Variants in DLG2 observed in about 807,000 individuals in gnomAD.
DLG2 encodes the protein discs large MAGUK scaffold protein 2, also known as disks large homolog 2.
A neutral mutation model predicts 132.5 loss-of-function variants in DLG2; 45 were observed. The ratio of observed to expected loss-of-function variants is 0.34; its 90% CI spans 0.27 to 0.44. The LOEUF (loss-of-function observed/expected upper bound fraction) is 0.44, where lower values mean the gene tolerates loss of function less well. Ranked by LOEUF, DLG2 falls within the 20% of genes least tolerant of loss-of-function variation. The pLI is 1.00. For synonymous variants in DLG2, 424 were observed against 419.6 expected (o/e 1.01, Z -0.13); for missense variants, 1,045 against 1,196.9 (o/e 0.87, Z 1.87).
intron 2 of DLG2, among the ~76,000 whole-genome samples, chr11:85,608,841 C>G (rs1230455782): frequency 6.6e-6 from 1 of 152,176 alleles, no homozygotes; most frequent in Non-Finnish European, 1.5e-5. Context: ...CCTTCAATCT[C>G]TTTTGGAGAG....
chr11:84,717,950 T>C (rs1248384812), intron 6 of DLG2, among the ~76,000 whole-genome samples: 1 of 152,098 alleles, frequency 6.6e-6, no homozygotes, highest in Non-Finnish European at 1.5e-5. Flanking sequence ...ATAGTAAGTA[T>C]AAAATTTAGC....
At chr11:85,044,979 G>A (rs947686134) in intron 6 of DLG2, among the ~76,000 whole-genome samples, 2 of 152,026 alleles carry the variant, frequency 1.3e-5, no homozygotes, top group Non-Finnish European at 1.5e-5. Flanking sequence ...TTCTCTGCCC[G>A]TTAATTCATT....
At chr11:85,304,782 T>C (rs1445585144) in intron 3 of DLG2, among the ~76,000 whole-genome samples, 1 of 152,210 alleles carries the variant, frequency 6.6e-6, no homozygotes, top group African/African-American at 2.4e-5. Context: ...TCTGACAACA[T>C]GGAAGTCATT....
chr11:84,099,239 T>C (rs1337269381), intron 9 of DLG2, among the ~76,000 whole-genome samples, 192 bp from the exon 10 acceptor site: 1 of 151,856 alleles, frequency 6.6e-6, no homozygotes, highest in African/African-American at 2.4e-5. Context: ...TCCTGCACTG[T>C]AAGAATGCAA....
At chr11:83,518,783 G>A (rs572488620) in intron 21 of DLG2, among the ~76,000 whole-genome samples, 3 of 152,220 alleles carry the variant, frequency 2.0e-5, no homozygotes, top group Non-Finnish European at 4.4e-5. Flanking sequence ...GTATATATTT[G>A]TACTTACTAT....
chr11:84,306,448 G>C (rs1356764534), intron 7 of DLG2, among the ~76,000 whole-genome samples: 1 of 152,140 alleles, frequency 6.6e-6, no homozygotes, highest in African/African-American at 2.4e-5. Context: ...TAAGGATATG[G>C]TCTTCCAAAA....
chr11:84,217,657 T>C (rs2096854316), intron 8 of DLG2, among the ~76,000 whole-genome samples: 2 of 152,218 alleles, frequency 1.3e-5, no homozygotes, highest in African/African-American at 4.8e-5. Flanking sequence ...GTCAAATAAA[T>C]TTCAGGCGTG....
In DLG2 at chr11:85,190,867, T is replaced by G. The variant is rs1266791315; in HGVS notation, c.187-36216A>C. ...AAATTCAGAAAATGACAGATGTTGG[T>G]GATGTTGTGAAGAAAAGGGACAATT... On this transcript the variant is annotated intron_variant, in intron 4 of 27. Coordinates refer to ENST00000376104, the MANE Select transcript of DLG2 (RefSeq NM_001142699.3). Among the ~76,000 whole-genome samples, 10 of 152,222 alleles carry G rather than the reference T, an allele frequency of 6.6e-5. 1 individual carries two copies. The East Asian group carries it at 1.9e-3, about 29-fold the overall frequency.
At chr11:84,784,185 T>C (rs1285222764) in intron 6 of DLG2, among the ~76,000 whole-genome samples, 4 of 122,744 alleles carry the variant, frequency 3.3e-5, no homozygotes, top group African/African-American at 1.3e-4. Context: ...TAGCTGAGCA[T>C]GGTGGCAGGC....
At chr11:85,321,113 G>A (rs774150878) in intron 3 of DLG2, among the ~76,000 whole-genome samples, 3 of 151,822 alleles carry the variant, frequency 2.0e-5, no homozygotes, top group Admixed American at 6.6e-5. Context: ...TTGAATGAGG[G>A]TAATAATGGA....
At chr11:83,577,440 T>G (rs2096890490) in intron 19 of DLG2, among the ~76,000 whole-genome samples, 1 of 138,312 alleles carries the variant, frequency 7.2e-6, no homozygotes, top group Non-Finnish European at 1.5e-5. Flanking sequence ...ATATAATAGT[T>G]TATATAGGAA....
At chr11:84,437,057 C>A (rs1201109368) in intron 7 of DLG2, among the ~76,000 whole-genome samples, 1 of 152,130 alleles carries the variant, frequency 6.6e-6, no homozygotes, top group Non-Finnish European at 1.5e-5. Flanking sequence ...TACTAGAGAG[C>A]TCTCTGAACA....
chr11:85,001,409 G>A (rs1007928565), intron 6 of DLG2, among the ~76,000 whole-genome samples: 2 of 152,154 alleles, frequency 1.3e-5, no homozygotes, highest in East Asian at 1.9e-4. Flanking sequence ...GAAATGTTGA[G>A]ACATGATGAG....
At chr11:84,398,645 A>G (rs1005398384) in intron 7 of DLG2, among the ~76,000 whole-genome samples, 2 of 152,208 alleles carry the variant, frequency 1.3e-5, no homozygotes, top group Admixed American at 6.5e-5. Flanking sequence ...TGATATCCCC[A>G]AGTATTTTAG....
chr11:85,132,765 T>C (rs1281945982), intron 5 of DLG2: 1 of 456,594 alleles, frequency 2.2e-6, no homozygotes. Flanking sequence ...TTTCCTATCC[T>C]ACCTTTGTGG....
At chr11:84,986,071 A>C (rs1055514293) in intron 6 of DLG2, among the ~76,000 whole-genome samples, 7 of 151,868 alleles carry the variant, frequency 4.6e-5, no homozygotes, top group Non-Finnish European at 1.0e-4. Flanking sequence ...TTAACCAAGA[A>C]AAGAAGAGAT....
chr11:85,526,507 C>A (rs1389653775), intron 3 of DLG2, among the ~76,000 whole-genome samples: 1 of 152,012 alleles, frequency 6.6e-6, no homozygotes, highest in Non-Finnish European at 1.5e-5. Context: ...AACTGCAGAA[C>A]CACACAATAA....
intron 6 of DLG2, among the ~76,000 whole-genome samples, chr11:84,861,114 C>G (rs2083555156): frequency 6.6e-6 from 1 of 152,024 alleles, no homozygotes; most frequent in South Asian, 2.1e-4. Context: ...ACAGCACAGG[C>G]TGCTATAGGA....
chr11:84,635,811 G>A (rs1204638662), intron 6 of DLG2, among the ~76,000 whole-genome samples: 1 of 151,966 alleles, frequency 6.6e-6, no homozygotes, highest in East Asian at 1.9e-4. Flanking sequence ...TAAGAAAGTG[G>A]TATGGCCAGG....
Sources: gnomAD v4.1 joint callset for allele counts (sites outside exome capture counted in the v4.1 genomes callset) on GRCh38, gnomAD v4.1.1 for gene constraint, MANE v1.5 for transcripts, NCBI Gene and HGNC (gene_info 2026-07-23, HGNC 2026-07-21) for gene names.